The following MAGI1 variants were observed in gnomAD, a reference collection of about 807,000 sequenced individuals.
The protein encoded by MAGI1 is membrane associated guanylate kinase, WW and PDZ domain containing 1, also known as membrane-associated guanylate kinase, WW and PDZ domain-containing protein 1.
Under a neutral mutation model 139.9 loss-of-function variants are expected in MAGI1, and 58 were observed. The ratio of observed to expected loss-of-function variants is 0.41; its 90% CI spans 0.34 to 0.52. The LOEUF (loss-of-function observed/expected upper bound fraction) is 0.52. Ranked by LOEUF, MAGI1 falls within the 20% of genes least tolerant of loss-of-function variation. The pLI, the probability that MAGI1 is intolerant of heterozygous loss-of-function variation, is 0.12. For missense variants in MAGI1, 1,874 were observed against 1,901.6 expected, an observed-to-expected ratio of 0.99 and a Z score of 0.27; for synonymous variants, 812 against 737.9, an observed-to-expected ratio of 1.10 and a Z score of -1.63.
intron 1 of MAGI1, among the ~76,000 whole-genome samples, chr3:65,939,360 C>A (rs1304752489): frequency 6.6e-6 from 1 of 152,168 alleles, no homozygotes; most frequent in African/African-American, 2.4e-5. Flanking sequence ...ATCATTATTT[C>A]ATAGTCTTTC....
intron 1 of MAGI1, among the ~76,000 whole-genome samples, chr3:65,950,106 A>AAAAAAAAAAAAAAAAAAAAAAAC (rs796698272): frequency 2.4e-5 from 2 of 84,198 alleles, no homozygotes; most frequent in South Asian, 5.0e-4. Flanking sequence ...AAAAAAAAAA[A>AAAAAAAAAAAAAAAAAAAAAAAC]CAGAACTAGC....
At chr3:65,470,751 A>T (rs1237829341) in intron 4 of MAGI1, among the ~76,000 whole-genome samples, 3 of 152,198 alleles carry the variant, frequency 2.0e-5, no homozygotes, top group Non-Finnish European at 1.5e-5. Flanking sequence ...CATTGCTCAC[A>T]ATCTTGGAAA....
chr3:65,909,002 A>T (rs2061550448), intron 1 of MAGI1, among the ~76,000 whole-genome samples: 1 of 152,154 alleles, frequency 6.6e-6, no homozygotes, highest in South Asian at 2.1e-4. Flanking sequence ...TGATCAAATA[A>T]CCCATTTTCT....
chr3:65,386,823 C>T (rs1943478741), intron 14 of MAGI1, among the ~76,000 whole-genome samples: 1 of 152,128 alleles, frequency 6.6e-6, no homozygotes, highest in East Asian at 1.9e-4. Context: ...ATGCCAGTGA[C>T]AATTCAATAA....
intron 1 of MAGI1, among the ~76,000 whole-genome samples, chr3:65,978,691 CAAT>C (rs1179497878): frequency 2.1e-5 from 3 of 145,238 alleles, no homozygotes. Flanking sequence ...TGCAATGGTG[CAAT>C]CTCAGCTCAC....
chr3:65,988,325 C>T (rs752490544), intron 1 of MAGI1, among the ~76,000 whole-genome samples: 1 of 152,140 alleles, frequency 6.6e-6, no homozygotes, highest in Non-Finnish European at 1.5e-5. Flanking sequence ...CATAACTGTG[C>T]TGTTGACAAT....
At chr3:65,387,246 A>G (rs2106947485) in intron 14 of MAGI1, 4 of 1,594,634 alleles carry the variant, frequency 2.5e-6, no homozygotes, top group African/African-American at 1.3e-5. Context: ...TAATTTCACA[A>G]TTTTGCAAAG....
chr3:65,940,022 T>C (rs1173524212), intron 1 of MAGI1, among the ~76,000 whole-genome samples: 1 of 152,188 alleles, frequency 6.6e-6, no homozygotes, highest in Non-Finnish European at 1.5e-5. Context: ...AGTTGCCTAA[T>C]TATTTTCATC....
intron 12 of MAGI1, among the ~76,000 whole-genome samples, chr3:65,424,278 C>T (rs1170684324): frequency 6.6e-6 from 1 of 152,116 alleles, no homozygotes; most frequent in Non-Finnish European, 1.5e-5. Flanking sequence ...TCTAGAGTTA[C>T]AAAGTGTGCT....
chr3:65,464,729 C>T (rs930917105), intron 5 of MAGI1, among the ~76,000 whole-genome samples: 18 of 152,032 alleles, frequency 1.2e-4, no homozygotes, highest in African/African-American at 3.6e-4. Context: ...CATTCCCCAT[C>T]GTTAAAGTGC....
chr3:65,595,732 T>C (rs1253823780), intron 2 of MAGI1, among the ~76,000 whole-genome samples: 1 of 139,208 alleles, frequency 7.2e-6, no homozygotes, highest in Non-Finnish European at 1.5e-5. Flanking sequence ...AACACAGAAA[T>C]ACAACTTGAA....
At chr3:65,398,186 A>C (rs1052715114) in intron 13 of MAGI1, among the ~76,000 whole-genome samples, 3 of 152,164 alleles carry the variant, frequency 2.0e-5, no homozygotes, top group Non-Finnish European at 2.9e-5. Context: ...AATGGATGAA[A>C]GATGAATATG....
rs534694465 is a variant in MAGI1, at chr3:65,795,289, C to G, written c.314-173201G>C. The stretch of plus-strand genomic sequence containing the variant: ...CAAAACTACCATCAACACAGATCTT[C>G]TTCAATAGCTGAGTGGCTAAAAAAA... On this transcript the variant is annotated intron_variant, in intron 1 of 22. Coordinates refer to ENST00000402939, the MANE Select transcript of MAGI1 (RefSeq NM_001033057.2). Among the ~76,000 whole-genome samples, 17 of 152,308 alleles carry G rather than the reference C, an allele frequency of 1.1e-4. No homozygotes were observed. In the South Asian group the frequency reaches 3.5e-3, roughly 32 times the overall value.
intron 2 of MAGI1, among the ~76,000 whole-genome samples, chr3:65,551,596 G>A (rs540103104): frequency 2.8e-4 from 42 of 152,276 alleles, no homozygotes; most frequent in Non-Finnish European, 4.1e-4. Flanking sequence ...CACCACGCCC[G>A]GCCCACTTTC....
chr3:65,791,778 A>G (rs192713158), intron 1 of MAGI1, among the ~76,000 whole-genome samples: 46 of 152,238 alleles, frequency 3.0e-4, no homozygotes, highest in Admixed American at 2.9e-3. Context: ...AATATATATT[A>G]CTTCCATAGC....
chr3:65,959,601 T>TTTTTA (rs1553738753), intron 1 of MAGI1, among the ~76,000 whole-genome samples: 1 of 127,334 alleles, frequency 7.9e-6, no homozygotes. Flanking sequence ...TCCCAGCATT[T>TTTTTA]TTATTATTAT....
chr3:65,709,025 C>G (rs2030893698), intron 1 of MAGI1, among the ~76,000 whole-genome samples: 1 of 152,164 alleles, frequency 6.6e-6, no homozygotes, highest in Non-Finnish European at 1.5e-5. Context: ...TCTAATTTAC[C>G]TGGACCTCAG....
At chr3:66,006,440 G>C (rs1016933388) in intron 1 of MAGI1, among the ~76,000 whole-genome samples, 31 of 152,106 alleles carry the variant, frequency 2.0e-4, no homozygotes, top group African/African-American at 7.2e-4. Flanking sequence ...CACACATATA[G>C]GTATACATGT....
At chr3:65,502,663 C>T (rs1308702970) in intron 2 of MAGI1, among the ~76,000 whole-genome samples, 1 of 152,146 alleles carries the variant, frequency 6.6e-6, no homozygotes, top group Non-Finnish European at 1.5e-5. Context: ...AAATGAAAGC[C>T]CTTCCCCTTT....
Sources: gnomAD v4.1 joint callset for allele counts (sites outside exome capture counted in the v4.1 genomes callset) on GRCh38, gnomAD v4.1.1 for gene constraint, MANE v1.5 for transcripts, NCBI Gene and HGNC (gene_info 2026-07-23, HGNC 2026-07-21) for gene names.